SLC2A5: variants seen among roughly 807,000 people sequenced by gnomAD.
SLC2A5 encodes the protein solute carrier family 2, facilitated glucose transporter member 5.
In SLC2A5, 56 loss-of-function variants were observed where a neutral mutation model predicts 50.3. The ratio of observed to expected loss-of-function variants is 1.11; its 90% CI spans 0.90 to 1.39. The LOEUF is 1.39. Among genes scored for constraint, SLC2A5 ranks in the 40% most tolerant of loss-of-function variants. The probability of loss-of-function intolerance (pLI) is 0.00; values close to 1 mark genes in which losing one functional copy is unlikely to be tolerated. For synonymous variants in SLC2A5, 269 were observed against 281.9 expected (o/e 0.95, Z 0.46); for missense variants, 566 against 650.1 (o/e 0.87, Z 1.41).
Position 9,037,326 on chromosome 1 carries a change from G to A in SLC2A5, c.*260C>T. 2.2e-6 allele frequency: 1 copy of A among 456,114 alleles called. No homozygotes were observed. Among genetic ancestry groups the A allele is most frequent in the South Asian group, 2.3e-5 (1 of 42,712 alleles). The allele number at this position is 456,114 out of a possible 1,614,324, so 28.3% of individuals were successfully genotyped here. Reference sequence around the variant, plus strand: ...CGTTACCAGGAGCCACACGAAGGCTGAACCAGCAAAGTGGAGGACCAGCTG... The same window carrying A: ...CGTTACCAGGAGCCACACGAAGGCTAAACCAGCAAAGTGGAGGACCAGCTG... On this transcript the variant is annotated 3_prime_UTR_variant, in exon 12 of 12. Coordinates refer to ENST00000377424, the MANE Select transcript of SLC2A5 (RefSeq NM_003039.3).
At chr1:9,058,332 G>T in intron 1 of SLC2A5, 82 bp from the exon 2 acceptor site, 1 of 936,906 alleles carries the variant, frequency 1.1e-6, no homozygotes, top group Non-Finnish European at 1.7e-6. Context: ...GTAGAAAGAT[G>T]TAACAGAATC....
At chr1:9,053,862 A>C (rs985303681) in intron 3 of SLC2A5, among the ~76,000 whole-genome samples, 10 of 151,292 alleles carry the variant, frequency 6.6e-5, no homozygotes, top group Admixed American at 4.0e-4. Context: ...TGACAGAGCA[A>C]GACTCTGTCT....
At position 9,077,586 on chromosome 1, in the gene SLC2A5, CAAAA is replaced by C. The variant is rs111499647; in HGVS notation, c.-59+7424_-59+7427del. Among the ~76,000 whole-genome samples the C allele has an allele frequency of 2.5e-3, 356 of 140,386 alleles. 5 individuals carry two copies. The highest frequency in any genetic ancestry group is 8.9e-3 in the African/African-American group (345 of 38,798). The allele number at this position is 140,386 out of a possible 152,430, so 92.1% of individuals were successfully genotyped here. On this transcript the variant is annotated intron_variant, in intron 2 of 5. Transcript: ENST00000464985. ...TGAAACCCCATCTCCACTAAAAATA[CAAAA>C]AAAAAAAGAAAAAAATTAGCTGGGC...
upstream of SLC2A5, among the ~76,000 whole-genome samples, chr1:9,089,108 C>G (rs571929991): frequency 2.9e-4 from 44 of 152,320 alleles, no homozygotes; most frequent in African/African-American, 1.0e-3. Flanking sequence ...ACTCCATAAT[C>G]AAGCCCCTAT....
chr1:9,053,942 A>G (rs1481726837), intron 3 of SLC2A5, among the ~76,000 whole-genome samples: 7 of 152,028 alleles, frequency 4.6e-5, no homozygotes, highest in Non-Finnish European at 1.5e-5. Context: ...AGTTATCTAA[A>G]ACAATGATAG....
intron 2 of SLC2A5, chr1:9,084,985 G>A (rs76839349): frequency 0.011 from 1,724 of 152,510 alleles, 20 homozygotes; most frequent in Non-Finnish European, 0.017. Flanking sequence ...CGGCCCCAAG[G>A]CCTCTGTGCC....
At chr1:9,046,924 T>A (rs1025369271) in intron 4 of SLC2A5, among the ~76,000 whole-genome samples, 2 of 152,070 alleles carry the variant, frequency 1.3e-5, no homozygotes, top group African/African-American at 4.8e-5. Context: ...CATGTTTTTC[T>A]TGTGATACCA....
upstream of SLC2A5, among the ~76,000 whole-genome samples, chr1:9,072,692 G>A (rs1642235605): frequency 6.6e-6 from 1 of 151,854 alleles, no homozygotes. Context: ...GTGGTAGCCT[G>A]TAAACCCAGC....
intron 2 of SLC2A5, among the ~76,000 whole-genome samples, chr1:9,080,855 T>C (rs528675639): frequency 7.9e-5 from 12 of 152,344 alleles, no homozygotes; most frequent in East Asian, 5.8e-4. Flanking sequence ...CCTGGGGCGA[T>C]AGGTGTGAGT....
intron 2 of SLC2A5, chr1:9,082,861 T>C: frequency 2.8e-6 from 1 of 354,836 alleles, no homozygotes; most frequent in South Asian, 2.3e-5. Flanking sequence ...GATGATCATG[T>C]ATGGTACTGC....
At chr1:9,048,600 A>C (rs888454597) in intron 3 of SLC2A5, among the ~76,000 whole-genome samples, 3 of 152,086 alleles carry the variant, frequency 2.0e-5, no homozygotes, top group African/African-American at 2.4e-5. Context: ...GAAGTCAATA[A>C]AATTTAACAC....
intron 8 of SLC2A5, among the ~76,000 whole-genome samples, chr1:9,039,256 C>A (rs993717262): frequency 2.6e-5 from 4 of 152,246 alleles, no homozygotes; most frequent in Non-Finnish European, 4.4e-5. Flanking sequence ...TGCTCCCATC[C>A]CGAGGTGGCC....
At chr1:9,038,563 G>A in intron 9 of SLC2A5, 57 bp from the exon 10 acceptor site, 4 of 1,488,384 alleles carry the variant, frequency 2.7e-6, no homozygotes, top group Admixed American at 1.8e-5. Context: ...CGGGACCCCA[G>A]GGGGCGGCCA....
Position 9,038,940 on chromosome 1 carries a change from G to A in SLC2A5, c.997-11C>T. The A allele has an allele frequency of 6.2e-7, 1 of 1,610,772 alleles. No homozygotes were observed. The highest frequency in any genetic ancestry group is 8.5e-7 in the Non-Finnish European group (1 of 1,179,096). On this transcript the variant is annotated splice_polypyrimidine_tract_variant and intron_variant, in intron 8 of 11. Coordinates refer to ENST00000377424, the MANE Select transcript of SLC2A5 (RefSeq NM_003039.3). ...CTCCACCACGAACACCTACAGGAGG[G>A]TGGCAGGGCTCAGGCGGGAGAGGCC...
intron 2 of SLC2A5, among the ~76,000 whole-genome samples, chr1:9,081,716 A>G (rs563993801): frequency 1.3e-5 from 2 of 152,166 alleles, no homozygotes; most frequent in African/African-American, 4.8e-5. Flanking sequence ...AGAGAAATGC[A>G]AATCAAAAAC....
intron 3 of SLC2A5, among the ~76,000 whole-genome samples, chr1:9,052,649 T>C (rs1641607762): frequency 6.6e-6 from 1 of 152,158 alleles, no homozygotes; most frequent in Admixed American, 6.5e-5. Flanking sequence ...TATGCATGTA[T>C]TGGAGGAGAG....
chr1:9,064,392 C>T (rs1013773039), intron 1 of SLC2A5, among the ~76,000 whole-genome samples: 2 of 152,012 alleles, frequency 1.3e-5, no homozygotes, highest in Non-Finnish European at 1.5e-5. Flanking sequence ...CAGCCGTGAC[C>T]GGGAGGGTCT....
chr1:9,041,655 G>A (rs753986492), intron 5 of SLC2A5, 130 bp downstream of exon 5: 4 of 1,544,442 alleles, frequency 2.6e-6, no homozygotes, highest in Admixed American at 2.0e-5. Flanking sequence ...GCCCCCCAAG[G>A]ACATCCAGCC....
intron 4 of SLC2A5, among the ~76,000 whole-genome samples, chr1:9,043,715 C>T (rs1435106499): frequency 6.9e-6 from 1 of 145,510 alleles, no homozygotes; most frequent in Admixed American, 6.9e-5. Flanking sequence ...AGAATCAGAG[C>T]AAAGTGGCTT....
Sources: allele counts gnomAD v4.1 joint callset (sites outside exome capture counted in the v4.1 genomes callset), GRCh38; gene constraint gnomAD v4.1.1; transcripts MANE v1.5; gene names NCBI Gene and HGNC (gene_info 2026-07-23, HGNC 2026-07-21).